FRMD5: variants seen among roughly 807,000 people sequenced by gnomAD.
FRMD5 encodes the protein FERM domain containing 5, also known as FERM domain-containing protein 5.
A neutral mutation model predicts 69.0 loss-of-function variants in FRMD5; 20 were observed. The ratio of observed to expected loss-of-function variants is 0.29; its 90% CI spans 0.20 to 0.42. The LOEUF (loss-of-function observed/expected upper bound fraction) is 0.42, where lower values mean the gene tolerates loss of function less well. Ranked by LOEUF, FRMD5 falls within the 10% of genes least tolerant of loss-of-function variation. FRMD5 has a pLI of 1.00. For missense variants in FRMD5, 595 were observed against 708.6 expected, an observed-to-expected ratio of 0.84 and a Z score of 1.82; for synonymous variants, 271 against 260.1, an observed-to-expected ratio of 1.04 and a Z score of -0.40.
chr15:43,885,576 C>T (rs2088642836), intron 11 of FRMD5, 105 bp downstream of exon 11: 2 of 944,794 alleles, frequency 2.1e-6, no homozygotes, highest in Admixed American at 1.8e-5. Context: ...TCAGACTTTT[C>T]TGAGTCCTCC....
At chr15:44,053,171 C>T (rs1437144651) in intron 1 of FRMD5, among the ~76,000 whole-genome samples, 1 of 151,982 alleles carries the variant, frequency 6.6e-6, no homozygotes, top group Non-Finnish European at 1.5e-5. Context: ...AAGGGGAAGG[C>T]AAAAGTTTGC....
rs1217735997 is a variant in FRMD5, at chr15:43,872,322, CTTGTT to C, written c.*1558_*1562del. ...TAGGGGAGGTCAAGTCTACAAGTGA[CTTGTT>C]CTGTTCTGCGTTTGGGGCTGTCCAA... On this transcript the variant is annotated 3_prime_UTR_variant, in exon 14 of 14. Coordinates refer to ENST00000417257, the MANE Select transcript of FRMD5 (RefSeq NM_032892.5). The C allele has an allele frequency of 3.3e-5, 5 of 152,134 alleles. No individual in the cohort carries two copies. Among genetic ancestry groups the C allele is most frequent in the Admixed American group, 2.0e-4 (3 of 15,264 alleles). 9.4% of individuals were successfully genotyped at this position (152,134 alleles called of 1,614,324 possible). A position where few individuals can be genotyped will look rare whatever the true frequency, so the allele number is the denominator to read the frequency against.
chr15:44,055,301 G>A (rs1242769788), intron 1 of FRMD5, among the ~76,000 whole-genome samples: 2 of 152,110 alleles, frequency 1.3e-5, no homozygotes, highest in Non-Finnish European at 2.9e-5. Context: ...TAGTAGCACT[G>A]TAGAAGCATC....
At chr15:43,875,829 TTTCAG>T in intron 13 of FRMD5, 2 of 424,700 alleles carry the variant, frequency 4.7e-6, no homozygotes, top group South Asian at 4.0e-5. Flanking sequence ...TTTTTTTTTC[TTTCAG>T]TCTTTCATAT....
At chr15:43,893,267 CAAG>C (rs939589267) in intron 7 of FRMD5, among the ~76,000 whole-genome samples, 2 of 151,774 alleles carry the variant, frequency 1.3e-5, no homozygotes, top group Non-Finnish European at 2.9e-5. Context: ...AAGAAAAAAA[CAAG>C]AAGCAACTGG....
chr15:44,184,391 T>C (rs1162623452), intron 1 of FRMD5, among the ~76,000 whole-genome samples: 1 of 152,250 alleles, frequency 6.6e-6, no homozygotes, highest in African/African-American at 2.4e-5. Flanking sequence ...AGTTTCAAGA[T>C]GTCATTTTAT....
At chr15:44,062,482 A>G (rs112515468) in intron 1 of FRMD5, among the ~76,000 whole-genome samples, 3 of 151,982 alleles carry the variant, frequency 2.0e-5, no homozygotes, top group African/African-American at 7.3e-5. Flanking sequence ...CTTGAGACCA[A>G]GAGTTCGAAA....
chr15:43,977,230 T>C (rs2090478210), intron 1 of FRMD5, among the ~76,000 whole-genome samples: 1 of 152,114 alleles, frequency 6.6e-6, no homozygotes, highest in Admixed American at 6.6e-5. Flanking sequence ...CAGGCTTTGT[T>C]GTGGTCAGGG....
At chr15:44,093,289 G>T (rs2076501504) in intron 1 of FRMD5, among the ~76,000 whole-genome samples, 1 of 151,602 alleles carries the variant, frequency 6.6e-6, no homozygotes, top group Admixed American at 6.6e-5. Context: ...ATTAGATAGG[G>T]AGTATTTTTA....
At chr15:43,978,438 C>T (rs139663426) in intron 1 of FRMD5, among the ~76,000 whole-genome samples, 18 of 152,016 alleles carry the variant, frequency 1.2e-4, no homozygotes, top group East Asian at 3.9e-4. Context: ...GAAGGGACTG[C>T]GATTGAGTTG....
intron 6 of FRMD5, 91 bp from the exon 7 acceptor site, chr15:43,902,353 G>A: frequency 9.5e-7 from 1 of 1,054,512 alleles, no homozygotes; most frequent in South Asian, 1.3e-5. Flanking sequence ...CTTAGGATGA[G>A]CCACACATCT....
chr15:43,903,148 G>A (rs1479549728), intron 6 of FRMD5, among the ~76,000 whole-genome samples: 1 of 152,230 alleles, frequency 6.6e-6, no homozygotes, highest in Non-Finnish European at 1.5e-5. Flanking sequence ...CAGACCCAGT[G>A]GCAGAATAAC....
intron 2 of FRMD5, among the ~76,000 whole-genome samples, chr15:43,920,435 TA>T (rs2089474214): frequency 1.3e-5 from 2 of 152,298 alleles, no homozygotes; most frequent in Middle Eastern, 3.4e-3. Flanking sequence ...AAATGATAAC[TA>T]ACCACAACCA....
At chr15:43,885,848 G>C in intron 10 of FRMD5, 93 bp from the exon 11 acceptor site, 1 of 961,736 alleles carries the variant, frequency 1.0e-6, no homozygotes, top group Non-Finnish European at 1.7e-6. Context: ...AAGGCTACTT[G>C]AAACTTCAGG....
intron 1 of FRMD5, among the ~76,000 whole-genome samples, chr15:44,170,292 A>C (rs186227387): frequency 2.0e-5 from 3 of 152,292 alleles, no homozygotes; most frequent in Admixed American, 1.3e-4. Flanking sequence ...GGAGGCCAAG[A>C]CAGGCAGATC....
At chr15:44,086,106 TA>T (rs1222963553) in intron 1 of FRMD5, among the ~76,000 whole-genome samples, 1 of 152,124 alleles carries the variant, frequency 6.6e-6, no homozygotes, top group Non-Finnish European at 1.5e-5. Context: ...CAAGCAATAA[TA>T]TCCATATGTG....
chr15:43,909,984 A>G lies in FRMD5; in HGVS notation c.330-5T>C. The G allele has an allele frequency of 6.9e-7, 1 of 1,452,278 alleles. No individual in the cohort carries two copies. Among genetic ancestry groups the G allele is most frequent in the Non-Finnish European group, 9.7e-7 (1 of 1,034,168 alleles). 90.0% of individuals were successfully genotyped at this position (1,452,278 alleles called of 1,614,324 possible). ...ATCTGCAGGAAGACTAAATACCTGGAGAGAAAACAGAGAATAAACTATAAA... is the reference window on the plus strand; with the variant it reads ...ATCTGCAGGAAGACTAAATACCTGGGGAGAAAACAGAGAATAAACTATAAA... On this transcript the variant is annotated splice_polypyrimidine_tract_variant and splice_region_variant and intron_variant, in intron 4 of 13. Coordinates refer to ENST00000417257, the MANE Select transcript of FRMD5 (RefSeq NM_032892.5).
intron 1 of FRMD5, among the ~76,000 whole-genome samples, chr15:44,004,525 C>A (rs551690683): frequency 6.6e-6 from 1 of 152,070 alleles, no homozygotes; most frequent in East Asian, 1.9e-4. Context: ...TTTTTTCTTA[C>A]AGTGATCTGT....
chr15:43,993,008 C>T (rs1025891800), intron 1 of FRMD5, among the ~76,000 whole-genome samples: 1 of 152,052 alleles, frequency 6.6e-6, no homozygotes, highest in African/African-American at 2.4e-5. Flanking sequence ...AACTTCTTGA[C>T]CTATTTGTTG....
Sources: allele counts gnomAD v4.1 joint callset (sites outside exome capture counted in the v4.1 genomes callset), GRCh38; gene constraint gnomAD v4.1.1; transcripts MANE v1.5; gene names NCBI Gene and HGNC (gene_info 2026-07-23, HGNC 2026-07-21).